ZNF512: variants seen among roughly 807,000 people sequenced by gnomAD.
ZNF512 encodes the protein zinc finger protein 512.
In ZNF512, 25 loss-of-function variants were observed where a neutral mutation model predicts 77.5. The observed-to-expected ratio is 0.32, with a 90% confidence interval of 0.23 to 0.45. The LOEUF (loss-of-function observed/expected upper bound fraction) is 0.45. ZNF512 is among the 20% of genes least tolerant of loss of function. ZNF512 has a pLI of 1.00. For synonymous variants in ZNF512, 246 were observed against 239.9 expected, an observed-to-expected ratio of 1.03 and a Z score of -0.24; for missense variants, 483 against 692.6, an observed-to-expected ratio of 0.70 and a Z score of 3.40.
chr2:27,594,967 A>G (rs1671789713), intron 2 of ZNF512, among the ~76,000 whole-genome samples: 1 of 152,204 alleles, frequency 6.6e-6, no homozygotes, highest in Non-Finnish European at 1.5e-5. Context: ...CGTCTCCACC[A>G]AAAATACAAA....
At chr2:27,596,041 C>T (rs1203181511) in intron 2 of ZNF512, among the ~76,000 whole-genome samples, 2 of 152,032 alleles carry the variant, frequency 1.3e-5, no homozygotes, top group African/African-American at 2.4e-5. Flanking sequence ...GGGAATGTTG[C>T]CGTTTCTGTT....
In ZNF512 at chr2:27,598,192, G is replaced by A. The variant is rs902633935; in HGVS notation, c.215G>A (p.Arg72Gln). Residue 72 changes from arginine to glutamine, a missense_variant, in exon 3 of 14, where the codon CGA (arginine) becomes CAA (glutamine). By Grantham distance (43) the Arg-to-Gln change is conservative. This residue lies in a region of ZNF512 where 159 missense variants were observed against 167.5 expected (regional missense o/e 0.95). Transcript: ENST00000355467. ...GTGAGTGATTTTCCAGCATCTTTCCGAAAATCTACCTACTGGATGAAGATG... is the reference window on the plus strand; with the variant it reads ...GTGAGTGATTTTCCAGCATCTTTCCAAAAATCTACCTACTGGATGAAGATG... The part of the protein sequence containing the change: ...EPVSDFPASF[R>Q]KSTYWMKMRR... 5.0e-6 allele frequency: 8 copies of A among 1,613,938 alleles called. No homozygotes were observed. Among genetic ancestry groups the A allele is most frequent in the Middle Eastern group, 1.6e-4 (1 of 6,084 alleles).
intron 10 of ZNF512, among the ~76,000 whole-genome samples, chr2:27,610,544 G>GTGTGTGCATATATA (rs1413007886): frequency 6.1e-5 from 2 of 32,654 alleles, no homozygotes; most frequent in African/African-American, 2.9e-4. Context: ...ATATGTGTGT[G>GTGTGTGCATATATA]TATATATATA....
rs547503509 is a variant in ZNF512, at chr2:27,622,458, T to G, written c.*997T>G. On this transcript the variant is annotated 3_prime_UTR_variant, in exon 14 of 14. Coordinates refer to ENST00000355467, the MANE Select transcript of ZNF512 (RefSeq NM_032434.4). ...TAGCCAACCTCTGTCTTTTTGAATT[T>G]TCTGAGAATATTGTCCTATCCTCTT... 8 of 152,966 alleles carry G rather than the reference T, an allele frequency of 5.2e-5. No individual in the cohort carries two copies. In the East Asian group the frequency reaches 1.5e-3, roughly 29 times the overall value. 9.5% of individuals were successfully genotyped at this position (152,966 alleles called of 1,614,324 possible). A position where few individuals can be genotyped will look rare whatever the true frequency, so the allele number is the denominator to read the frequency against.
intron 9 of ZNF512, among the ~76,000 whole-genome samples, chr2:27,604,154 C>T (rs576279722): frequency 6.7e-5 from 10 of 150,250 alleles, no homozygotes; most frequent in African/African-American, 2.2e-4. Context: ...CTCGAACTCC[C>T]GATCTCAGGT....
intron 5 of ZNF512, 133 bp downstream of exon 5, chr2:27,600,186 C>T (rs921162972): frequency 2.1e-6 from 2 of 973,636 alleles, no homozygotes; most frequent in African/African-American, 3.3e-5. Flanking sequence ...AGTTTGGAGT[C>T]AGACAGACCT....
chr2:27,606,544 T>C (rs1340755151), intron 9 of ZNF512, among the ~76,000 whole-genome samples: 1 of 151,802 alleles, frequency 6.6e-6, no homozygotes, highest in Non-Finnish European at 1.5e-5. Flanking sequence ...GTATTTTTAG[T>C]GAGATGGGGT....
At chr2:27,595,074 A>G (rs1195604498) in intron 2 of ZNF512, among the ~76,000 whole-genome samples, 2 of 152,160 alleles carry the variant, frequency 1.3e-5, no homozygotes, top group African/African-American at 4.8e-5. Flanking sequence ...GGTTGTAGCT[A>G]GGTGAGATCA....
intron 3 of ZNF512, among the ~76,000 whole-genome samples, chr2:27,598,954 T>G (rs898282491): frequency 2.0e-5 from 3 of 152,150 alleles, no homozygotes; most frequent in Non-Finnish European, 4.4e-5. Context: ...TGCCTCAGCT[T>G]GTAATGCCAG....
rs1673077281 is a variant in ZNF512 at position 27,620,639 on chromosome 2, C to G, written c.1396-514C>G. 2.0e-5 allele frequency among the ~76,000 whole-genome samples: 3 copies of G among 152,154 alleles called. No individual in the cohort carries two copies. In the South Asian group the frequency reaches 6.2e-4, roughly 31 times the overall value. ...CAGATCACTTGATAAGATTGAAGTT[C>G]TTTCTTTTTTGGCAAAAATACTTCA... On this transcript the variant is annotated intron_variant, in intron 13 of 13. Coordinates refer to ENST00000355467, the MANE Select transcript of ZNF512 (RefSeq NM_032434.4).
chr2:27,615,804 A>G (rs1200755661), intron 11 of ZNF512, among the ~76,000 whole-genome samples: 1 of 152,204 alleles, frequency 6.6e-6, no homozygotes, highest in Non-Finnish European at 1.5e-5. Context: ...GAGAATTTGC[A>G]GCCATCTTTA....
intron 10 of ZNF512, among the ~76,000 whole-genome samples, chr2:27,612,156 A>G (rs1185574174): frequency 6.6e-6 from 1 of 152,024 alleles, no homozygotes; most frequent in Non-Finnish European, 1.5e-5. Flanking sequence ...ATCCAATGCT[A>G]TTATTATTTA....
At chr2:27,601,278 A>T in intron 6 of ZNF512, 78 bp from the exon 7 acceptor site, 1 of 1,024,900 alleles carries the variant, frequency 9.8e-7, no homozygotes, top group Non-Finnish European at 1.4e-6. Flanking sequence ...GACATAGATG[A>T]AAGCATTTGA....
rs185794332 is a variant in ZNF512, at chr2:27,615,163, T to C, written c.1132-5T>C. ...TCTAATGTTTCTGGTTGTCTTGTCT[T>C]GTAGTTAAAATATACTCGTCCAGGG... On this transcript the variant is annotated splice_region_variant and splice_polypyrimidine_tract_variant and intron_variant, in intron 10 of 13. Transcript: ENST00000355467. 3.5e-5 allele frequency: 55 copies of C among 1,556,366 alleles called. No individual in the cohort carries two copies. In the East Asian group the frequency reaches 9.5e-4, roughly 27 times the overall value.
intron 13 of ZNF512, among the ~76,000 whole-genome samples, chr2:27,620,837 A>G (rs567562702): frequency 1.1e-3 from 175 of 152,236 alleles, no homozygotes; most frequent in African/African-American, 3.9e-3. Flanking sequence ...AAAATCTCCT[A>G]TGGCTCAGTG....
intron 2 of ZNF512, among the ~76,000 whole-genome samples, chr2:27,589,569 T>C (rs1011834601): frequency 2.6e-5 from 4 of 152,146 alleles, no homozygotes; most frequent in African/African-American, 7.2e-5. Flanking sequence ...TGTTTTCTAG[T>C]TCATGGGTTT....
chr2:27,595,332 G>T (rs1192956656), intron 2 of ZNF512, among the ~76,000 whole-genome samples: 1 of 136,274 alleles, frequency 7.3e-6, no homozygotes, highest in Non-Finnish European at 1.5e-5. Flanking sequence ...ATGGAGTCTC[G>T]CACTGTCGCC....
In ZNF512 at chr2:27,587,418, C is replaced by T. The variant is rs372636902; in HGVS notation, c.89+3702C>T. On this transcript the variant is annotated intron_variant, in intron 2 of 13. Transcript: ENST00000355467. ...TAGCCTCCTGAGTAGCTGGGATTACCGGTGTGCATCACCACGCCTGACTAA... is the reference window on the plus strand; with the variant it reads ...TAGCCTCCTGAGTAGCTGGGATTACTGGTGTGCATCACCACGCCTGACTAA... Among the ~76,000 whole-genome samples, 23 of 151,286 alleles carry T rather than the reference C, an allele frequency of 1.5e-4. 1 individual carries two copies. The highest frequency in any genetic ancestry group is 9.7e-4 in the East Asian group (5 of 5,130).
intron 10 of ZNF512, 145 bp downstream of exon 10, chr2:27,608,184 G>T: frequency 1.4e-6 from 1 of 740,420 alleles, no homozygotes; most frequent in Non-Finnish European, 2.0e-6. Context: ...ATCTGATCTA[G>T]CTTCGGTGTT....
Sources: allele counts gnomAD v4.1 joint callset (sites outside exome capture counted in the v4.1 genomes callset), GRCh38; gene constraint gnomAD v4.1.1; regional missense constraint gnomAD v4.1.1; transcripts MANE v1.5; gene names NCBI Gene and HGNC (gene_info 2026-07-23, HGNC 2026-07-21).